The following PSAP variants were observed in gnomAD, a reference collection of about 807,000 sequenced individuals.
The protein encoded by PSAP is precursor of saposins.
Under a neutral mutation model 66.0 loss-of-function variants are expected in PSAP, and 25 were observed. The ratio of observed to expected loss-of-function variants is 0.38; its 90% confidence interval spans 0.28 to 0.53. PSAP has a LOEUF of 0.53. Ranked by LOEUF, PSAP falls within the 20% of genes least tolerant of loss-of-function variation. The pLI is 0.83. For synonymous variants in PSAP, 273 were observed against 258.9 expected (o/e 1.05, Z -0.52); for missense variants, 649 against 668.8 (o/e 0.97, Z 0.33).
At chr10:71,830,831 A>G (rs1275916395) in intron 4 of PSAP, among the ~76,000 whole-genome samples, 1 of 152,214 alleles carries the variant, frequency 6.6e-6, no homozygotes, top group Non-Finnish European at 1.5e-5. Flanking sequence ...GGGGTCAGTT[A>G]AAGATTGGAC....
Position 71,835,424 on chromosome 10 carries a change from T to G in PSAP, c.41-919A>C, listed in dbSNP as rs544157840. ...GCAAAACCTCATCTCTACAAAAAATTAGCCGGGCATGGTAGCACGCACCTG... is the reference window on the plus strand; with the variant it reads ...GCAAAACCTCATCTCTACAAAAAATGAGCCGGGCATGGTAGCACGCACCTG... On this transcript the variant is annotated intron_variant, in intron 1 of 13. Coordinates refer to ENST00000394936, the MANE Select transcript of PSAP (RefSeq NM_002778.4). Among the ~76,000 whole-genome samples the G allele has an allele frequency of 6.6e-5, 10 of 151,716 alleles. No homozygotes were observed. The South Asian group carries it at 1.9e-3, about 29-fold the overall frequency.
intron 1 of PSAP, among the ~76,000 whole-genome samples, chr10:71,837,358 A>C (rs1842645413): frequency 6.6e-6 from 1 of 152,212 alleles, no homozygotes; most frequent in Non-Finnish European, 1.5e-5. Flanking sequence ...AAGAGGTGCA[A>C]AGCCCACTCC....
chr10:71,833,286 C>CT (rs901605703), intron 2 of PSAP, among the ~76,000 whole-genome samples: 7 of 152,120 alleles, frequency 4.6e-5, no homozygotes, highest in Non-Finnish European at 8.8e-5. Flanking sequence ...GGTAAAAACA[C>CT]TATCTCTACA....
chr10:71,831,260 G>A lies in PSAP; in HGVS notation c.250-9C>T. The stretch of plus-strand genomic sequence containing the variant: ...TAAACAAGGATCTCCTCCTACGAGA[G>A]GACACCAGGGTCAGAATCACGATAG... On this transcript the variant is annotated splice_polypyrimidine_tract_variant and intron_variant, in intron 3 of 13. Transcript: ENST00000394936. 1.9e-6 allele frequency: 3 copies of A among 1,613,486 alleles called. No individual in the cohort carries two copies. Among genetic ancestry groups the A allele is most frequent in the Non-Finnish European group, 2.5e-6 (3 of 1,179,820 alleles).
At chr10:71,832,751 C>T (rs951631867) in intron 2 of PSAP, among the ~76,000 whole-genome samples, 6 of 151,998 alleles carry the variant, frequency 3.9e-5, no homozygotes, top group African/African-American at 1.4e-4. Flanking sequence ...CAAGAGAGGG[C>T]CGGGCCGGGC....
chr10:71,827,465 G>A lies in PSAP; in HGVS notation c.720+549C>T, dbSNP rs189630875. 7.9e-4 allele frequency among the ~76,000 whole-genome samples: 120 copies of A among 151,356 alleles called. 1 individual carries two copies. The highest frequency in any genetic ancestry group is 2.8e-3 in the African/African-American group (115 of 41,236). On this transcript the variant is annotated intron_variant, in intron 6 of 13. Transcript: ENST00000394936. ...GTAAAGGCCGGGCGCAGAGACTCAC[G>A]CCTGTAATCCTAGCACTTTGGGAGG...
Position 71,851,226 on chromosome 10 carries a change from C to T in PSAP, c.-5G>A, listed in dbSNP as rs1842922701. 3 of 1,550,912 alleles carry T rather than the reference C, an allele frequency of 1.9e-6. No individual in the cohort carries two copies. The highest frequency in any genetic ancestry group is 1.7e-6 in the Non-Finnish European group (2 of 1,146,870). ...CAGGAGGAAGAGGGCGTACATAGCG[C>T]CGTCTGACTCCGCAGTCTGCAATGC... On this transcript the variant is annotated 5_prime_UTR_variant, in exon 1 of 14. Transcript: ENST00000394936.
rs1287661070 is a variant in PSAP, at chr10:71,819,778, G to A, written c.1128C>T (p.Val376=). The change falls in exon 10 of 14, where the codon GTC becomes GTT. Residue 376 remains valine (V), a synonymous_variant. Coordinates refer to ENST00000394936, the MANE Select transcript of PSAP (RefSeq NM_002778.4). The part of the protein sequence containing the change: ...SSILSILLEE[V]SPELVCSMLH... ...GCATGCTGCACACCAGCTCAGGGCT[G>A]ACCTCCTCCAGCAGGATGGACAGGA... 7 of 1,614,070 alleles carry A rather than the reference G, an allele frequency of 4.3e-6. No individual in the cohort carries two copies. Among genetic ancestry groups the A allele is most frequent in the Non-Finnish European group, 5.9e-6 (7 of 1,180,000 alleles).
chr10:71,829,168 T>G (rs1842462293), intron 4 of PSAP, 91 bp from the exon 5 acceptor site: 1 of 1,191,230 alleles, frequency 8.4e-7, no homozygotes, highest in East Asian at 2.4e-5. Context: ...GTCCCTCTCT[T>G]TAAATCCCTT....
At chr10:71,823,738 T>G in intron 7 of PSAP, 2 of 500,528 alleles carry the variant, frequency 4.0e-6, no homozygotes, top group Non-Finnish European at 6.7e-6. Context: ...GCAGAAGCCC[T>G]CCCCAGCCTA....
chr10:71,849,908 A>AT (rs775491229), intron 1 of PSAP, among the ~76,000 whole-genome samples: 69 of 152,042 alleles, frequency 4.5e-4, no homozygotes, highest in African/African-American at 1.5e-3. Context: ...TTAAGCTCCG[A>AT]TTTTTTTTAG....
intron 4 of PSAP, among the ~76,000 whole-genome samples, chr10:71,830,821 G>A (rs773207192): frequency 1.3e-5 from 2 of 152,182 alleles, no homozygotes; most frequent in South Asian, 2.1e-4. Context: ...CCTGCTCAAA[G>A]GGGTCAGTTA....
At chr10:71,842,167 CAA>C (rs555888632) in intron 1 of PSAP, among the ~76,000 whole-genome samples, 135 of 152,224 alleles carry the variant, frequency 8.9e-4, no homozygotes, top group African/African-American at 3.2e-3. Flanking sequence ...ATGATAAAAC[CAA>C]GACATCAGTT....
In PSAP at chr10:71,828,933, T is replaced by C. The variant is rs1182264019; in HGVS notation, c.520A>G (p.Asn174Asp). The change falls in exon 5 of 14, where the codon AAC becomes GAC. Residue 174 changes from asparagine (N) to aspartate (D), a missense_variant. Physicochemically the swap from Asn to Asp is conservative, Grantham distance 23 (BLOSUM62 1). Coordinates refer to ENST00000394936, the MANE Select transcript of PSAP (RefSeq NM_002778.4). ...TGAGGGTAGAGGAGGAGAGGGATGT[T>C]GGCCATGAAGGGGGCCACCACCTCA... ...MTEVVAPFMA[N>D]IPLLLYPQDG... The C allele has an allele frequency of 6.2e-7, 1 of 1,614,122 alleles. No individual in the cohort carries two copies.
chr10:71,841,972 C>T (rs1842740552), intron 1 of PSAP, among the ~76,000 whole-genome samples: 1 of 151,230 alleles, frequency 6.6e-6, no homozygotes, highest in African/African-American at 2.4e-5. Flanking sequence ...AGCCACTGCA[C>T]TCCAACCTGG....
chr10:71,848,301 C>T (rs562563182), intron 1 of PSAP, among the ~76,000 whole-genome samples: 41 of 152,256 alleles, frequency 2.7e-4, no homozygotes, highest in Admixed American at 2.2e-3. Context: ...TAATCGTCCA[C>T]GTATGTAACT....
At chr10:71,842,041 T>A (rs1460392245) in intron 1 of PSAP, among the ~76,000 whole-genome samples, 1 of 149,562 alleles carries the variant, frequency 6.7e-6, no homozygotes, top group Non-Finnish European at 1.5e-5. Flanking sequence ...TCCGCATGGG[T>A]TAGCTATTAT....
chr10:71,820,474 G>A (rs1842278045), intron 8 of PSAP, 139 bp from the exon 9 acceptor site: 7 of 737,486 alleles, frequency 9.5e-6, no homozygotes, highest in East Asian at 7.8e-5. Flanking sequence ...TCCAAATGGC[G>A]TGTGGCTTCT....
At chr10:71,841,070 C>G (rs1842725199) in intron 1 of PSAP, among the ~76,000 whole-genome samples, 1 of 152,222 alleles carries the variant, frequency 6.6e-6, no homozygotes, top group African/African-American at 2.4e-5. Flanking sequence ...GAAAAACTAG[C>G]CCTTGGCAGG....
Sources: gnomAD v4.1 joint callset for allele counts (sites outside exome capture counted in the v4.1 genomes callset) on GRCh38, gnomAD v4.1.1 for gene constraint, MANE v1.5 for transcripts, NCBI Gene and HGNC (gene_info 2026-07-23, HGNC 2026-07-21) for gene names.